SYT16: variants seen among roughly 807,000 people sequenced by gnomAD.
The protein encoded by SYT16 is synaptotagmin-16.
SYT16 carries 42 observed loss-of-function variants against 61.4 expected under a neutral mutation model. That is an observed-to-expected ratio of 0.68 (90% CI 0.53 to 0.89). SYT16 has a LOEUF of 0.89. Among genes scored for constraint, SYT16 ranks in the 40% least tolerant of loss-of-function variants. The probability of loss-of-function intolerance (pLI) is 0.00; values close to 1 mark genes in which losing one functional copy is unlikely to be tolerated. For synonymous variants in SYT16, 314 were observed against 302.3 expected, an observed-to-expected ratio of 1.04 and a Z score of -0.40; for missense variants, 804 against 807.3, an observed-to-expected ratio of 1.00 and a Z score of 0.05.
chr14:62,056,283 T>G (rs1255841989), intron 3 of SYT16, among the ~76,000 whole-genome samples: 1 of 152,166 alleles, frequency 6.6e-6, no homozygotes, highest in African/African-American at 2.4e-5. Context: ...CCCCTTCTTA[T>G]GCTGGTGGAG....
At chr14:61,991,330 T>TTGTGTGTGTGTGTGTGTGTG (rs71117861) in intron 2 of SYT16, among the ~76,000 whole-genome samples, 2 of 146,372 alleles carry the variant, frequency 1.4e-5, no homozygotes, top group South Asian at 2.2e-4. Flanking sequence ...TGTTTTTCAT[T>TTGTGTGTGTGTGTGTGTGTG]TGTGTGTGTG....
intron 1 of SYT16, among the ~76,000 whole-genome samples, chr14:61,838,404 G>T (rs888706216): frequency 2.0e-4 from 31 of 152,094 alleles, no homozygotes; most frequent in African/African-American, 7.0e-4. Context: ...CAGCAACTAG[G>T]CTGTCAGAGG....
chr14:62,027,671 C>G (rs2054153542), intron 3 of SYT16, among the ~76,000 whole-genome samples: 1 of 152,164 alleles, frequency 6.6e-6, no homozygotes, highest in African/African-American at 2.4e-5. Flanking sequence ...TTGGTTCCTG[C>G]AGCACCAAGA....
intron 1 of SYT16, among the ~76,000 whole-genome samples, chr14:61,913,299 A>G (rs2049000545): frequency 6.6e-6 from 1 of 152,236 alleles, no homozygotes; most frequent in African/African-American, 2.4e-5. Context: ...ATTTGTGGAA[A>G]GGATGAATGA....
chr14:61,989,984 C>T (rs1191178990), intron 2 of SYT16, among the ~76,000 whole-genome samples: 1 of 152,126 alleles, frequency 6.6e-6, no homozygotes, highest in Non-Finnish European at 1.5e-5. Flanking sequence ...TGAGTAGTCC[C>T]TTTTTATATT....
intron 1 of SYT16, among the ~76,000 whole-genome samples, chr14:61,921,916 A>G (rs2049347595): frequency 6.6e-6 from 1 of 152,238 alleles, no homozygotes; most frequent in African/African-American, 2.4e-5. Context: ...TCTTAGCTTC[A>G]ATAAAATACT....
At chr14:61,961,631 G>A (rs935534042) in intron 1 of SYT16, among the ~76,000 whole-genome samples, 10 of 152,152 alleles carry the variant, frequency 6.6e-5, no homozygotes, top group Admixed American at 3.3e-4. Context: ...TGCTGGCAAG[G>A]TTGTGGAGAA....
chr14:61,980,436 C>G (rs1490296999), intron 2 of SYT16, among the ~76,000 whole-genome samples: 1 of 152,094 alleles, frequency 6.6e-6, no homozygotes, highest in Non-Finnish European at 1.5e-5. Context: ...GGTTACTTGA[C>G]TAAGGCACAA....
At chr14:61,910,895 C>G (rs1433626675) in intron 1 of SYT16, among the ~76,000 whole-genome samples, 1 of 152,172 alleles carries the variant, frequency 6.6e-6, no homozygotes, top group Non-Finnish European at 1.5e-5. Flanking sequence ...AATAAACCTC[C>G]CTGCAGGGTA....
At chr14:61,961,574 G>A (rs911336337) in intron 1 of SYT16, among the ~76,000 whole-genome samples, 5 of 151,992 alleles carry the variant, frequency 3.3e-5, no homozygotes, top group South Asian at 2.1e-4. Flanking sequence ...TGACATCATC[G>A]TATACCAGTC....
intron 7 of SYT16, among the ~76,000 whole-genome samples, chr14:62,089,269 A>C (rs1412297999): frequency 2.6e-5 from 4 of 151,786 alleles, no homozygotes; most frequent in Admixed American, 2.0e-4. Flanking sequence ...CAGTGTGCCA[A>C]GATCGCACTA....
chr14:62,060,314 A>G (rs540433673), intron 3 of SYT16, among the ~76,000 whole-genome samples: 26 of 152,068 alleles, frequency 1.7e-4, no homozygotes, highest in Admixed American at 5.2e-4. Context: ...GTGCATTTTG[A>G]TGCTCTTTCT....
At chr14:61,987,076 G>T (rs1159826211) in intron 2 of SYT16, among the ~76,000 whole-genome samples, 1 of 152,180 alleles carries the variant, frequency 6.6e-6, no homozygotes, top group African/African-American at 2.4e-5. Flanking sequence ...TGTTATGGGA[G>T]AATATTTCAG....
intron 3 of SYT16, among the ~76,000 whole-genome samples, chr14:62,009,705 C>A (rs1300811486): frequency 6.6e-6 from 1 of 152,108 alleles, no homozygotes; most frequent in African/African-American, 2.4e-5. Flanking sequence ...CTCACTGTTC[C>A]TATTAGGGGT....
intron 1 of SYT16, among the ~76,000 whole-genome samples, chr14:61,959,438 T>C (rs2051023985): frequency 1.3e-5 from 2 of 152,292 alleles, no homozygotes; most frequent in East Asian, 1.9e-4. Context: ...TTTTTTGTTA[T>C]GGAGTTTACA....
At chr14:62,064,790 C>T (rs935104923) in intron 3 of SYT16, among the ~76,000 whole-genome samples, 1 of 152,078 alleles carries the variant, frequency 6.6e-6, no homozygotes, top group African/African-American at 2.4e-5. Flanking sequence ...ATAGTACCTA[C>T]TTTCTTAGGT....
chr14:61,845,427 G>C (rs986176107), intron 1 of SYT16, among the ~76,000 whole-genome samples: 1 of 152,120 alleles, frequency 6.6e-6, no homozygotes, highest in African/African-American at 2.4e-5. Flanking sequence ...ATCTTGGTAG[G>C]TTGTATGTGT....
At chr14:61,923,063 A>G (rs2140409055) in intron 1 of SYT16, among the ~76,000 whole-genome samples, 1 of 152,248 alleles carries the variant, frequency 6.6e-6, no homozygotes, top group African/African-American at 2.4e-5. Context: ...AAAAAAAAAA[A>G]AAAATGAAGT....
At chr14:61,860,919 G>C (rs1350829366) in intron 1 of SYT16, among the ~76,000 whole-genome samples, 1 of 152,206 alleles carries the variant, frequency 6.6e-6, no homozygotes, top group Non-Finnish European at 1.5e-5. Context: ...CAAGTGAGGT[G>C]TACGGAGACT....
Sources: allele counts gnomAD v4.1 joint callset (sites outside exome capture counted in the v4.1 genomes callset), GRCh38; gene constraint gnomAD v4.1.1; transcripts MANE v1.5; gene names NCBI Gene and HGNC (gene_info 2026-07-23, HGNC 2026-07-21).